Variants in AKAP6 observed in about 807,000 individuals in gnomAD.
AKAP6 encodes the protein A-kinase anchoring protein 6.
A neutral mutation model predicts 188.5 loss-of-function variants in AKAP6; 58 were observed. The observed-to-expected ratio is 0.31, with a 90% CI of 0.25 to 0.38. AKAP6 has a LOEUF of 0.38. AKAP6 is among the 10% of genes least tolerant of loss of function. AKAP6 has a pLI of 1.00. For missense variants in AKAP6, 2,710 were observed against 2,740.0 expected, an observed-to-expected ratio of 0.99 and a Z score of 0.24; for synonymous variants, 989 against 998.6, an observed-to-expected ratio of 0.99 and a Z score of 0.18.
chr14:32,748,727 T>A (rs897639996), intron 11 of AKAP6, among the ~76,000 whole-genome samples: 36 of 152,294 alleles, frequency 2.4e-4, no homozygotes, highest in African/African-American at 7.5e-4. Flanking sequence ...CCCTTTGACC[T>A]GGGAAGGAAG....
chr14:32,648,850 G>A (rs1252242451), intron 7 of AKAP6, among the ~76,000 whole-genome samples: 1 of 151,946 alleles, frequency 6.6e-6, no homozygotes, highest in Non-Finnish European at 1.5e-5. Context: ...TCATGAGGCG[G>A]TACCTCTACT....
At chr14:32,424,473 C>T (rs1264985260) in intron 1 of AKAP6, among the ~76,000 whole-genome samples, 1 of 150,638 alleles carries the variant, frequency 6.6e-6, no homozygotes, top group Non-Finnish European at 1.5e-5. Flanking sequence ...GACCCTTTTT[C>T]TCTTTAAAAA....
intron 2 of AKAP6, among the ~76,000 whole-genome samples, chr14:32,497,875 A>G (rs1055398274): frequency 6.6e-5 from 10 of 152,046 alleles, no homozygotes; most frequent in African/African-American, 2.4e-4. Context: ...TCATCCCTTT[A>G]TCATTATAAA....
At chr14:32,372,809 C>T (rs1414020894) in intron 1 of AKAP6, among the ~76,000 whole-genome samples, 1 of 147,542 alleles carries the variant, frequency 6.8e-6, no homozygotes, top group Non-Finnish European at 1.5e-5. Context: ...TGTGTGTATT[C>T]ACATGTGCTT....
intron 4 of AKAP6, among the ~76,000 whole-genome samples, chr14:32,563,624 A>C (rs560926460): frequency 7.3e-4 from 111 of 152,174 alleles, no homozygotes; most frequent in Non-Finnish European, 8.8e-4. Context: ...CCTCCCATAC[A>C]ACTCTCACCC....
chr14:32,334,245 T>C (rs1217739511), intron 1 of AKAP6, among the ~76,000 whole-genome samples: 1 of 152,180 alleles, frequency 6.6e-6, no homozygotes, highest in African/African-American at 2.4e-5. Context: ...CAATGGAAGA[T>C]TGCAGAAATA....
rs768676329 is a variant in AKAP6, at chr14:32,821,926, C to A, written c.4113C>A (p.Asp1371Glu). ...GSESGIVSEG[D>E]TETTTNSEMC... ...AGAGTGGAATTGTCAGTGAAGGAGA[C>A]ACAGAAACCACTACCAACTCTGAAA... Residue 1371 changes from aspartate to glutamate, a missense_variant, in exon 13 of 14, where the codon GAC becomes GAA. Transcript: ENST00000280979. 2 of 1,613,884 alleles carry A rather than the reference C, an allele frequency of 1.2e-6. No individual in the cohort carries two copies. Among genetic ancestry groups the A allele is most frequent in the South Asian group, 2.2e-5 (2 of 91,072 alleles).
At chr14:32,390,854 G>A (rs532334464) in intron 1 of AKAP6, among the ~76,000 whole-genome samples, 53 of 152,140 alleles carry the variant, frequency 3.5e-4, no homozygotes, top group Middle Eastern at 3.4e-3. Flanking sequence ...AATTCACGAC[G>A]CAAGCCTCCA....
intron 12 of AKAP6, among the ~76,000 whole-genome samples, chr14:32,797,948 C>T (rs1266735528): frequency 7.4e-6 from 1 of 135,034 alleles, no homozygotes; most frequent in Non-Finnish European, 1.6e-5. Context: ...AAACCATTAA[C>T]AGAGCAAACA....
At chr14:32,480,269 C>T (rs1879273665) in intron 2 of AKAP6, among the ~76,000 whole-genome samples, 1 of 151,968 alleles carries the variant, frequency 6.6e-6, no homozygotes, top group African/African-American at 2.4e-5. Context: ...AATCATAGCC[C>T]CAACTAAAAA....
intron 7 of AKAP6, among the ~76,000 whole-genome samples, chr14:32,627,079 A>G (rs932828391): frequency 6.6e-6 from 1 of 152,166 alleles, no homozygotes; most frequent in African/African-American, 2.4e-5. Flanking sequence ...AAGAGATTAT[A>G]TATTTCCTCA....
At chr14:32,797,450 A>C (rs1332557616) in intron 12 of AKAP6, among the ~76,000 whole-genome samples, 6 of 152,236 alleles carry the variant, frequency 3.9e-5, no homozygotes, top group Non-Finnish European at 5.9e-5. Context: ...GAATGAGACC[A>C]TGTCCTTTGC....
intron 7 of AKAP6, among the ~76,000 whole-genome samples, chr14:32,610,367 TG>T (rs1209534383): frequency 2.0e-5 from 3 of 152,240 alleles, no homozygotes; most frequent in Admixed American, 6.5e-5. Context: ...TCCTTTTCTT[TG>T]TTCTTTGCTC....
intron 7 of AKAP6, among the ~76,000 whole-genome samples, chr14:32,638,112 G>A (rs7153041): frequency 0.3 from 45,727 of 151,910 alleles, 8,297 homozygotes; most frequent in East Asian, 0.72. Flanking sequence ...GCATATTATG[G>A]TGAGTGGAGA....
At chr14:32,441,184 C>A (rs781076889) in intron 2 of AKAP6, among the ~76,000 whole-genome samples, 2 of 152,098 alleles carry the variant, frequency 1.3e-5, no homozygotes, top group Non-Finnish European at 1.5e-5. Flanking sequence ...GTCTGAATGA[C>A]TGACTGTACA....
intron 2 of AKAP6, 63 bp downstream of exon 2, chr14:32,433,880 C>T (rs574320847): frequency 1.6e-4 from 230 of 1,470,380 alleles, no homozygotes; most frequent in Non-Finnish European, 1.9e-4. Flanking sequence ...CACCTAGAGA[C>T]TGTGTTCTGT....
chr14:32,602,959 A>T (rs1885990656), intron 7 of AKAP6, among the ~76,000 whole-genome samples: 1 of 152,192 alleles, frequency 6.6e-6, no homozygotes, highest in Admixed American at 6.5e-5. Context: ...TGCCTGTCTC[A>T]TGAAGCTTGT....
At chr14:32,401,114 C>A (rs996995406) in intron 1 of AKAP6, among the ~76,000 whole-genome samples, 32 of 152,154 alleles carry the variant, frequency 2.1e-4, no homozygotes, top group African/African-American at 7.5e-4. Context: ...GGCCTCTTAC[C>A]TTCCTCGTGA....
At chr14:32,410,259 A>C (rs1215045940) in intron 1 of AKAP6, among the ~76,000 whole-genome samples, 2 of 152,140 alleles carry the variant, frequency 1.3e-5, no homozygotes, top group Non-Finnish European at 2.9e-5. Flanking sequence ...CTGCTGTCTG[A>C]AGGTTTCCTC....
Sources: allele counts gnomAD v4.1 joint callset (sites outside exome capture counted in the v4.1 genomes callset), GRCh38; gene constraint gnomAD v4.1.1; transcripts MANE v1.5; gene names NCBI Gene and HGNC (gene_info 2026-07-23, HGNC 2026-07-21).